MYOM3: variants seen among roughly 807,000 people sequenced by gnomAD.
MYOM3 encodes the protein myomesin 3, also known as myomesin-3.
Under a neutral mutation model 191.7 loss-of-function variants are expected in MYOM3, and 155 were observed. That is an observed-to-expected ratio of 0.81 (90% CI 0.71 to 0.92). MYOM3 has a LOEUF of 0.92. Ranked by LOEUF, MYOM3 falls within the 40% of genes least tolerant of loss-of-function variation. MYOM3 has a pLI of 0.00. For missense variants in MYOM3, 1,889 were observed against 1,890.6 expected, an observed-to-expected ratio of 1.00 and a Z score of 0.02; for synonymous variants, 757 against 762.9, an observed-to-expected ratio of 0.99 and a Z score of 0.13.
chr1:24,085,284 G>GGATGGATGGATGGATGGATGGATA, intron 15 of MYOM3, among the ~76,000 whole-genome samples: 1 of 51,088 alleles, frequency 2.0e-5, no homozygotes, highest in Non-Finnish European at 4.5e-5. Flanking sequence ...ATGGATAGAT[G>GGATGGATGGATGGATGGATGGATA]GATGGATGGA....
chr1:24,068,315 T>C lies in MYOM3; in HGVS notation c.3203A>G (p.Gln1068Arg). Residue 1068 changes from glutamine to arginine, a missense_variant, in exon 26 of 37, where the codon CAG (glutamine) becomes CGG (arginine). Coordinates refer to ENST00000374434, the MANE Select transcript of MYOM3 (RefSeq NM_152372.4). ...REKGLVEVII[Q>R]NLSEEDKGSY... ...CCCTTTGTCCTCCTCAGACAAGTTC[T>C]GGATGATCACTTCCACCAGGCCCTT... The C allele has an allele frequency of 6.2e-7, 1 of 1,614,196 alleles. No homozygotes were observed. The highest frequency in any genetic ancestry group is 8.5e-7 in the Non-Finnish European group (1 of 1,179,996).
At position 24,084,601 on chromosome 1, in the gene MYOM3, C is replaced by G; in HGVS notation, c.1837G>C (p.Asp613His). 1 of 1,613,474 alleles carries G rather than the reference C, an allele frequency of 6.2e-7. No individual in the cohort carries two copies. The highest frequency in any genetic ancestry group is 1.1e-5 in the South Asian group (1 of 90,962). Residue 613 changes from aspartate (D) to histidine (H), a missense_variant, in exon 16 of 37, where the codon GAC becomes CAC. By Grantham distance (81) the Asp-to-His change is moderately conservative. Transcript: ENST00000374434. ...PPPAQVQAFR[D>H]TQTSVSLTWD... is the part of the protein sequence containing the mutation. ...GTCAGGGAGACAGAGGTCTGTGTGT[C>G]TCTGAAAGCTTGAACTTGAGCTGGA...
chr1:24,086,873 C>T (rs758131306), intron 14 of MYOM3, 46 bp from the exon 15 acceptor site: 96 of 1,579,698 alleles, frequency 6.1e-5, no homozygotes, highest in Non-Finnish European at 7.9e-5. Flanking sequence ...TCGCCCAGAC[C>T]GGCTCTGTGC....
rs4077303 is a variant in MYOM3 at position 24,095,426 on chromosome 1, C to T, written c.790+16G>A. ...AACAAAGAATCCCAGGTCCCGTTCT[C>T]CCCCAGCCGACTTACTTTTGAAGAT... is the stretch of plus-strand genomic sequence containing the variant. On this transcript the variant is annotated intron_variant, in intron 8 of 36. Transcript: ENST00000374434. 2 of 1,610,908 alleles carry T rather than the reference C, an allele frequency of 1.2e-6. No individual in the cohort carries two copies. Among genetic ancestry groups the T allele is most frequent in the Non-Finnish European group, 1.7e-6 (2 of 1,177,986 alleles).
chr1:24,071,276 G>C (rs187920911), intron 24 of MYOM3, 23 bp from the exon 25 acceptor site: 1,023 of 1,597,932 alleles, frequency 6.4e-4, no homozygotes, highest in Non-Finnish European at 7.8e-4. Flanking sequence ...GGACGGGAAG[G>C]GGGTGGGTTG....
chr1:24,092,550 AT>A lies in MYOM3; in HGVS notation c.1091-236del, dbSNP rs143557387. On this transcript the variant is annotated intron_variant, in intron 10 of 36. Coordinates refer to ENST00000374434, the MANE Select transcript of MYOM3 (RefSeq NM_152372.4). ...ACCAAGTACCTGAACAAGTGGAATA[AT>A]TAATTCCAGCCCCAGAGCAGCCTTC... 8.3e-3 allele frequency among the ~76,000 whole-genome samples: 1,262 copies of A among 152,256 alleles called. 12 individuals are homozygous for A. The highest frequency in any genetic ancestry group is 0.027 in the Middle Eastern group (8 of 294).
In MYOM3 at chr1:24,082,128, A is replaced by G. The variant is rs1422653188; in HGVS notation, c.2153T>C (p.Ile718Thr). The G allele has an allele frequency of 1.2e-6, 2 of 1,613,822 alleles. No individual in the cohort carries two copies. The highest frequency in any genetic ancestry group is 1.1e-5 in the South Asian group (1 of 90,978). Residue 718 changes from isoleucine (I) to threonine (T), a missense_variant, in exon 18 of 37, where the codon ATT becomes ACT. Transcript: ENST00000374434. Reference sequence around the variant, plus strand: ...ACGACGCTTGGGGGGTTTCCACCCAATGACCATTTCATTCTTCCCGCAGTT... The same window carrying G: ...ACGACGCTTGGGGGGTTTCCACCCAGTGACCATTTCATTCTTCCCGCAGTT... ...LLNCGKNEMVIGWKPPKRRGG... is the reference protein window; with the variant it reads ...LLNCGKNEMVTGWKPPKRRGG...
chr1:24,057,414 T>G lies in MYOM3; in HGVS notation c.4264A>C (p.Ile1422Leu). 1 of 1,614,128 alleles carries G rather than the reference T, an allele frequency of 6.2e-7. No individual in the cohort carries two copies. Among genetic ancestry groups the G allele is most frequent in the Non-Finnish European group, 8.5e-7 (1 of 1,180,046 alleles). Residue 1422 changes from isoleucine (I) to leucine (L), a missense_variant, in exon 37 of 37, where the codon ATC (isoleucine) becomes CTC (leucine). Physicochemically the swap from Ile to Leu is conservative, Grantham distance 5 (BLOSUM62 2). Coordinates refer to ENST00000374434, the MANE Select transcript of MYOM3 (RefSeq NM_152372.4). ...KYGSETGQVT[I>L]SVFKHGDEPK... The stretch of plus-strand genomic sequence containing the variant: ...TCGTCCCCGTGCTTGAACACACTGA[T>G]GGTGACCTGGCCCGTCTCGGAGCCA...
rs1171052025 is a variant in MYOM3, at chr1:24,066,922, A to G, written c.3423+99T>C. The G allele has an allele frequency of 1.8e-5, 20 of 1,136,080 alleles. No homozygotes were observed. In the Admixed American group the frequency reaches 3.4e-4, roughly 19 times the overall value. The allele number at this position is 1,136,080 out of a possible 1,614,324, so 70.4% of individuals were successfully genotyped here. On this transcript the variant is annotated intron_variant, in intron 28 of 36. Transcript: ENST00000374434. ...GCGATCAGCCAAGCACAGAGTATGG[A>G]ATTTAGGGGGCCGGGTGGGCAGGGA...
chr1:24,061,099 G>A lies in MYOM3; in HGVS notation c.3972-17C>T, dbSNP rs1215486659. 4.3e-6 allele frequency: 7 copies of A among 1,614,120 alleles called. No homozygotes were observed. Among genetic ancestry groups the A allele is most frequent in the Non-Finnish European group, 5.9e-6 (7 of 1,180,008 alleles). On this transcript the variant is annotated splice_polypyrimidine_tract_variant and intron_variant, in intron 34 of 36. Transcript: ENST00000374434. The stretch of plus-strand genomic sequence containing the variant: ...GCCAAGGTTCTGAAAAACAGAAATG[G>A]GAACAAGGTGTGACATTCCACTTGC...
intron 36 of MYOM3, 127 bp downstream of exon 36, chr1:24,058,797 T>C (rs1643332933): frequency 1.4e-6 from 1 of 704,200 alleles, no homozygotes; most frequent in Non-Finnish European, 2.5e-6. Flanking sequence ...ATGTCATCAA[T>C]GAGGTGTGGT....
intron 20 of MYOM3, among the ~76,000 whole-genome samples, chr1:24,077,848 G>A (rs1469502292): frequency 2.0e-5 from 3 of 152,242 alleles, no homozygotes; most frequent in Admixed American, 1.3e-4. Context: ...TACATGCGGA[G>A]GGGGCGAGCC....
rs76940848 is a variant in MYOM3, at chr1:24,063,199, C to T, written c.3697G>A (p.Glu1233Lys). The T allele has an allele frequency of 8.7e-5, 141 of 1,614,010 alleles. No individual in the cohort carries two copies. The East Asian group carries it at 2.9e-3, about 33-fold the overall frequency. ...TTGCTGAAGATCCGGATCCCTTCCTCGGTCCCCTGGATTTTCAGTGGAGTT... is the reference window on the plus strand; with the variant it reads ...TTGCTGAAGATCCGGATCCCTTCCTTGGTCCCCTGGATTTTCAGTGGAGTT... The part of the protein sequence containing the change: ...SATPLKIQGT[E>K]EGIRIFSKVK... The change falls in exon 32 of 37, where the codon GAG becomes AAG. Residue 1233 changes from glutamate (E) to lysine (K), a missense_variant. Physicochemically the swap from Glu to Lys is moderately conservative, Grantham distance 56. Coordinates refer to ENST00000374434, the MANE Select transcript of MYOM3 (RefSeq NM_152372.4). This position sits in a 1 kb window ranked among gnomAD's most constrained non-coding sequence, Gnocchi z 4.5.
In MYOM3 at chr1:24,067,416, TTCC is replaced by T. The variant is rs1643462928; in HGVS notation, c.3356-331_3356-329del. On this transcript the variant is annotated intron_variant, in intron 27 of 36. Coordinates refer to ENST00000374434, the MANE Select transcript of MYOM3 (RefSeq NM_152372.4). ...CTTCCTTCCTTCCTTCCTTCCTTCC[TTCC>T]TTCCTTCCTTCCTTCCTTCCTTCCT... 1.9e-5 allele frequency among the ~76,000 whole-genome samples: 2 copies of T among 103,058 alleles called. 1 individual carries two copies. Among genetic ancestry groups the T allele is most frequent in the Non-Finnish European group, 3.9e-5 (2 of 51,194 alleles). The allele number at this position is 103,058 out of a possible 152,430, so 67.6% of individuals were successfully genotyped here.
intron 5 of MYOM3, among the ~76,000 whole-genome samples, chr1:24,103,316 C>G (rs984300663): frequency 1.3e-5 from 2 of 152,182 alleles, no homozygotes; most frequent in African/African-American, 2.4e-5. Context: ...CATCCCAGTG[C>G]CCAGCAAGGT....
rs778615620 is a variant in MYOM3 at position 24,068,071 on chromosome 1, T to G, written c.3296-42A>C. The G allele has an allele frequency of 2.2e-5, 36 of 1,608,788 alleles. No homozygotes were observed. In the African/African-American group the frequency reaches 4.3e-4, roughly 19 times the overall value. On this transcript the variant is annotated intron_variant, in intron 26 of 36. Transcript: ENST00000374434. ...AGGAACTGGCATGAGCCGAGAGGAG[T>G]GTGGGTCTGGAGAGGGGACATGGGG...
chr1:24,068,784 C>T (rs987541014), intron 25 of MYOM3, among the ~76,000 whole-genome samples: 1 of 152,048 alleles, frequency 6.6e-6, no homozygotes, highest in Admixed American at 6.5e-5. Flanking sequence ...AGTGCAGTGG[C>T]GCAATCTCGG....
intron 27 of MYOM3, among the ~76,000 whole-genome samples, chr1:24,067,325 C>CCTTCTTTCT (rs1643453644): frequency 1.7e-5 from 1 of 58,864 alleles, no homozygotes; most frequent in Admixed American, 1.9e-4. Context: ...TCTTTCTTTC[C>CCTTCTTTCT]TTCTTTCTTT....
At chr1:24,065,759 A>C (rs1302965458) in intron 29 of MYOM3, 132 bp downstream of exon 29, 2 of 752,684 alleles carry the variant, frequency 2.7e-6, no homozygotes, top group Admixed American at 1.9e-5. Context: ...GTGCCTCTTA[A>C]ATTTTGTGCT....
Sources: gnomAD v4.1 joint callset for allele counts (sites outside exome capture counted in the v4.1 genomes callset) on GRCh38, gnomAD v4.1.1 for gene constraint, Gnocchi (gnomAD v3.1) non-coding constraint, MANE v1.5 for transcripts, NCBI Gene and HGNC (gene_info 2026-07-23, HGNC 2026-07-21) for gene names.